The following SLC44A5 variants were observed in gnomAD, a reference collection of about 807,000 sequenced individuals.
SLC44A5 encodes solute carrier family 44 member 5, also known as choline transporter-like protein 5.
In SLC44A5, 57 loss-of-function variants were observed where a neutral mutation model predicts 101.8. The observed-to-expected ratio is 0.56, with a 90% CI of 0.45 to 0.70. The LOEUF is 0.70. Ranked by LOEUF, SLC44A5 falls within the 30% of genes least tolerant of loss-of-function variation. The pLI, the probability that SLC44A5 is intolerant of heterozygous loss-of-function variation, is 0.00. For missense variants in SLC44A5, 737 were observed against 853.1 expected, an observed-to-expected ratio of 0.86 and a Z score of 1.70; for synonymous variants, 281 against 290.9, an observed-to-expected ratio of 0.97 and a Z score of 0.35.
chr1:75,638,698 T>C, the SLC44A5 span, among the ~76,000 whole-genome samples: 3 of 152,090 alleles, frequency 2.0e-5, no homozygotes, highest in Non-Finnish European at 4.4e-5. Flanking sequence ...TCTTTGTAGT[T>C]TTCAGCCAAT....
chr1:75,593,191 A>G (rs1674447108), intron 1 of SLC44A5, among the ~76,000 whole-genome samples: 1 of 152,144 alleles, frequency 6.6e-6, no homozygotes, highest in Non-Finnish European at 1.5e-5. Context: ...TTGAATTGAC[A>G]TTTCTCAAAA....
intron 3 of SLC44A5, among the ~76,000 whole-genome samples, chr1:75,395,198 A>C (rs1557739620): frequency 1.3e-5 from 2 of 152,102 alleles, no homozygotes; most frequent in Non-Finnish European, 2.9e-5. Context: ...ACTTTATTCC[A>C]AGTGAGAAGA....
chr1:75,384,216 T>A (rs1661127956), intron 3 of SLC44A5, among the ~76,000 whole-genome samples: 1 of 152,178 alleles, frequency 6.6e-6, no homozygotes. Context: ...ATATTAACTT[T>A]ACATGTAAAT....
intron 2 of SLC44A5, among the ~76,000 whole-genome samples, chr1:75,514,315 C>A (rs929118177): frequency 6.6e-6 from 1 of 152,198 alleles, no homozygotes; most frequent in African/African-American, 2.4e-5. Context: ...ATATACTTAT[C>A]TTTCAGCCAA....
At chr1:75,654,340 T>C in the SLC44A5 span, among the ~76,000 whole-genome samples, 1 of 152,180 alleles carries the variant, frequency 6.6e-6, no homozygotes, top group Non-Finnish European at 1.5e-5. Context: ...ATTAAAATTG[T>C]TCAATGTTTC....
chr1:75,610,239 T>C (rs1196574945), intron 1 of SLC44A5, among the ~76,000 whole-genome samples: 2 of 152,100 alleles, frequency 1.3e-5, no homozygotes, highest in Admixed American at 6.5e-5. Context: ...TATATACATA[T>C]ACATACATAT....
chr1:75,643,916 T>A, the SLC44A5 span, among the ~76,000 whole-genome samples: 1 of 152,206 alleles, frequency 6.6e-6, no homozygotes, highest in Non-Finnish European at 1.5e-5. Context: ...TTTTTCTACT[T>A]CATAAAATAT....
chr1:75,645,980 C>T, the SLC44A5 span, among the ~76,000 whole-genome samples: 2 of 133,070 alleles, frequency 1.5e-5, 1 homozygote, highest in Non-Finnish European at 3.3e-5. Flanking sequence ...CGTTCTGTTC[C>T]ATTGGTCCAT....
intron 1 of SLC44A5, among the ~76,000 whole-genome samples, chr1:75,545,618 G>T (rs1329504366): frequency 6.6e-6 from 1 of 152,102 alleles, no homozygotes; most frequent in South Asian, 2.1e-4. Flanking sequence ...GCATTGGTCA[G>T]GCTTCTCCAC....
chr1:75,358,800 A>G (rs1659271108), intron 3 of SLC44A5, among the ~76,000 whole-genome samples: 1 of 152,206 alleles, frequency 6.6e-6, no homozygotes, highest in South Asian at 2.1e-4. Context: ...AGAATGATTC[A>G]ATCAAGCTGA....
rs113310224 is a variant in SLC44A5 at position 75,509,140 on chromosome 1, G to A, written c.13+32295C>T. Among the ~76,000 whole-genome samples, 1,092 of 152,234 alleles carry A rather than the reference G, an allele frequency of 7.2e-3. 15 individuals are homozygous for A. The highest frequency in any genetic ancestry group is 0.026 in the African/African-American group (1,060 of 41,538). ...ATCCACAGACCATGCCCCACACCTC[G>A]TGCTTCACACTGAGATAAAAACTAC... On this transcript the variant is annotated intron_variant, in intron 2 of 23. Transcript: ENST00000370859.
chr1:75,515,045 C>G (rs1398179743), intron 2 of SLC44A5, among the ~76,000 whole-genome samples: 2 of 152,120 alleles, frequency 1.3e-5, no homozygotes, highest in East Asian at 3.9e-4. Flanking sequence ...AACTTGAAAA[C>G]CACAGTATTA....
chr1:75,445,653 T>C (rs944672667), intron 2 of SLC44A5, among the ~76,000 whole-genome samples: 4 of 143,014 alleles, frequency 2.8e-5, no homozygotes, highest in African/African-American at 1.0e-4. Context: ...TTCTTTTCAT[T>C]ATGTTTCTGT....
At chr1:75,605,451 G>A (rs1290975085) in intron 1 of SLC44A5, among the ~76,000 whole-genome samples, 1 of 152,030 alleles carries the variant, frequency 6.6e-6, no homozygotes, top group African/African-American at 2.4e-5. Flanking sequence ...AAAGATGCCT[G>A]AGAGGCCACC....
chr1:75,206,404 T>G, intron 23 of SLC44A5: 1 of 457,420 alleles, frequency 2.2e-6, no homozygotes, highest in Non-Finnish European at 3.8e-6. Context: ...ATTAACATTT[T>G]GATCTTTAGC....
At chr1:75,621,251 G>T in the SLC44A5 span, among the ~76,000 whole-genome samples, 1 of 152,064 alleles carries the variant, frequency 6.6e-6, no homozygotes, top group Admixed American at 6.6e-5. Flanking sequence ...AGTTCTGAAT[G>T]AACCCTTTTG....
At chr1:75,409,680 A>G (rs931658953) in intron 2 of SLC44A5, among the ~76,000 whole-genome samples, 1 of 152,120 alleles carries the variant, frequency 6.6e-6, no homozygotes, top group African/African-American at 2.4e-5. Flanking sequence ...AAAATTATTG[A>G]TATTTCAGGA....
In SLC44A5 at chr1:75,589,203, T is replaced by C. The variant is rs1298370764; in HGVS notation, c.-70+21837A>G. 3.8e-5 allele frequency among the ~76,000 whole-genome samples: 5 copies of C among 131,692 alleles called. No homozygotes were observed. In the East Asian group the frequency reaches 5.8e-4, roughly 15 times the overall value. 86.4% of individuals were successfully genotyped at this position (131,692 alleles called of 152,430 possible). A position where few individuals can be genotyped will look rare whatever the true frequency, so the allele number is the denominator to read the frequency against. On this transcript the variant is annotated intron_variant, in intron 1 of 23. Transcript: ENST00000370859. The stretch of plus-strand genomic sequence containing the variant: ...ATTCATTAAAACAGAGCTAATTCCA[T>C]AACATGTGGTAAAAAGCAGCATTGG...
At chr1:75,221,271 T>C (rs1241313141) in intron 14 of SLC44A5, among the ~76,000 whole-genome samples, 1 of 152,192 alleles carries the variant, frequency 6.6e-6, no homozygotes, top group Non-Finnish European at 1.5e-5. Context: ...TCTTGGTCAT[T>C]AACAATGTAG....
Sources: allele counts gnomAD v4.1 joint callset (sites outside exome capture counted in the v4.1 genomes callset), GRCh38; gene constraint gnomAD v4.1.1; transcripts MANE v1.5; gene names NCBI Gene and HGNC (gene_info 2026-07-23, HGNC 2026-07-21).